LHX5: variants seen among roughly 807,000 people sequenced by gnomAD.
The protein encoded by LHX5 is LIM/homeobox protein Lhx5.
A neutral mutation model predicts 30.6 loss-of-function variants in LHX5; 5 were observed. The observed-to-expected ratio is 0.16, with a 90% CI of 0.09 to 0.34. The LOEUF (loss-of-function observed/expected upper bound fraction) is 0.34, where lower values mean the gene tolerates loss of function less well. Among genes scored for constraint, LHX5 ranks in the 10% least tolerant of loss-of-function variants. The pLI, the probability that LHX5 is intolerant of heterozygous loss-of-function variation, is 1.00. For synonymous variants in LHX5, 266 were observed against 252.6 expected (o/e 1.05, Z -0.50); for missense variants, 458 against 570.6 (o/e 0.80, Z 2.01).
At chr12:113,470,701 TA>T (rs1212298611) in intron 1 of LHX5, among the ~76,000 whole-genome samples, 1 of 151,922 alleles carries the variant, frequency 6.6e-6, no homozygotes, top group Non-Finnish European at 1.5e-5. Flanking sequence ...CCCACAGGGG[TA>T]GGGGGGCTGG....
rs111226838 is a variant in LHX5, at chr12:113,468,202, G to A, written c.600C>T (p.Ala200=). 3.1e-4 allele frequency: 500 copies of A among 1,613,332 alleles called. 2 individuals carry two copies. In the African/African-American group the frequency reaches 5.8e-3, roughly 19 times the overall value. The change falls in exon 3 of 5, where the codon GCC becomes GCT. Residue 200 remains alanine, a synonymous_variant. Coordinates refer to ENST00000261731, the MANE Select transcript of LHX5 (RefSeq NM_022363.3). ...TGTGGCGCGTGGGCTTGGGCGTGGC[G>A]GCGAAGGCAGCCTTGAGCGTCTCCA... ...KQLETLKAAF[A]ATPKPTRHIR... is the part of the protein sequence containing the mutation.
Position 113,465,350 on chromosome 12 carries a change from T to C in LHX5, c.842-1793A>G, listed in dbSNP as rs1320528636. On this transcript the variant is annotated intron_variant, in intron 4 of 4. Transcript: ENST00000261731. The surrounding 1 kb of genome is among the most constrained non-coding windows in gnomAD (Gnocchi z 6.7). ...AGCGAAGGCCGCTGCCCCCGCGCCG[T>C]GCGCGCCGCCTCCGCCCATATGGCG... is the stretch of plus-strand genomic sequence containing the variant. Among the ~76,000 whole-genome samples the C allele has an allele frequency of 6.6e-6, 1 of 152,144 alleles. No homozygotes were observed. Among genetic ancestry groups the C allele is most frequent in the Non-Finnish European group, 1.5e-5 (1 of 68,012 alleles).
At position 113,471,752 on chromosome 12, in the gene LHX5, G is replaced by A; in HGVS notation, c.-254C>T. On this transcript the variant is annotated 5_prime_UTR_variant, in exon 1 of 5. Coordinates refer to ENST00000261731, the MANE Select transcript of LHX5 (RefSeq NM_022363.3). ...GGCCGCACGCCCCGGCGCCTGTTCCGGGCTTCCCCAGGTATCTCGGGTGGC... is the reference window on the plus strand; with the variant it reads ...GGCCGCACGCCCCGGCGCCTGTTCCAGGCTTCCCCAGGTATCTCGGGTGGC... The A allele has an allele frequency of 2.2e-6, 1 of 464,182 alleles. No homozygotes were observed. The allele number at this position is 464,182 out of a possible 1,614,324, so 28.8% of individuals were successfully genotyped here.
intron 1 of LHX5, among the ~76,000 whole-genome samples, chr12:113,469,573 C>A (rs1958235006): frequency 3.9e-5 from 6 of 152,222 alleles, no homozygotes; most frequent in Admixed American, 3.9e-4. Context: ...TTCAGACTCT[C>A]CTGAGCTGGG....
chr12:113,463,096 T>C lies in LHX5; in HGVS notation c.*94A>G. Reference sequence around the variant, plus strand: ...AGAGAACCCCCGAGGGACACCCACGTCTCCCACCGCGTCTGCGTCGGGCGT... The same window carrying C: ...AGAGAACCCCCGAGGGACACCCACGCCTCCCACCGCGTCTGCGTCGGGCGT... On this transcript the variant is annotated 3_prime_UTR_variant, in exon 5 of 5. Coordinates refer to ENST00000261731, the MANE Select transcript of LHX5 (RefSeq NM_022363.3). The surrounding 1 kb of genome is among the most constrained non-coding windows in gnomAD (Gnocchi z 6.7). 9.3e-7 allele frequency: 1 copy of C among 1,078,512 alleles called. No individual in the cohort carries two copies. Among genetic ancestry groups the C allele is most frequent in the Non-Finnish European group, 1.3e-6 (1 of 790,690 alleles). The allele number at this position is 1,078,512 out of a possible 1,614,324, so 66.8% of individuals were successfully genotyped here. A position where few individuals can be genotyped will look rare whatever the true frequency, so the allele number is the denominator to read the frequency against.
At chr12:113,469,437 A>C in intron 1 of LHX5, 92 bp from the exon 2 acceptor site, 10 of 1,159,866 alleles carry the variant, frequency 8.6e-6, no homozygotes, top group Non-Finnish European at 1.2e-5. Flanking sequence ...GGCTTCGGTG[A>C]AGTCCCCATT....
Position 113,467,141 on chromosome 12 carries a change from G to A in LHX5, c.841+115C>T. The A allele has an allele frequency of 9.5e-7, 1 of 1,057,444 alleles. No homozygotes were observed. The highest frequency in any genetic ancestry group is 1.3e-6 in the Non-Finnish European group (1 of 779,858). 65.5% of individuals were successfully genotyped at this position (1,057,444 alleles called of 1,614,324 possible). Reference sequence around the variant, plus strand: ...AGTGTACATGTGTCTGTGATCGTGTGTCCAGCGAGTGGGCGATGTTCTGGA... The same window carrying A: ...AGTGTACATGTGTCTGTGATCGTGTATCCAGCGAGTGGGCGATGTTCTGGA... On this transcript the variant is annotated intron_variant, in intron 4 of 4. Coordinates refer to ENST00000261731, the MANE Select transcript of LHX5 (RefSeq NM_022363.3). The surrounding 1 kb of genome is among the most constrained non-coding windows in gnomAD (Gnocchi z 6.3).
rs117773325 is a variant in LHX5 at position 113,470,448 on chromosome 12, A to G, written c.173+878T>C. ...CCGGGTCCAGGGAGTTAACACGTGT[A>G]AAGGAGCGGCTGACATTTTCTCCCA... On this transcript the variant is annotated intron_variant, in intron 1 of 4. Transcript: ENST00000261731. 4.6e-5 allele frequency among the ~76,000 whole-genome samples: 7 copies of G among 152,352 alleles called. No individual in the cohort carries two copies. In the East Asian group the frequency reaches 7.7e-4, roughly 17 times the overall value.
At position 113,467,479 on chromosome 12, in the gene LHX5, TC is replaced by T; in HGVS notation, c.676-59del. 2 of 1,361,316 alleles carry T rather than the reference TC, an allele frequency of 1.5e-6. No individual in the cohort carries two copies. The highest frequency in any genetic ancestry group is 3.1e-5 in the Admixed American group (1 of 32,466). The allele number at this position is 1,361,316 out of a possible 1,614,324, so 84.3% of individuals were successfully genotyped here. On this transcript the variant is annotated intron_variant, in intron 3 of 4. Coordinates refer to ENST00000261731, the MANE Select transcript of LHX5 (RefSeq NM_022363.3). This position sits in a 1 kb window ranked among gnomAD's most constrained non-coding sequence, Gnocchi z 6.3. ...TCAGGAGTGTCCTCTCCCCCCCTCT[TC>T]TCCCTTCCCTGACTGGGCTGCCCCT... is the stretch of plus-strand genomic sequence containing the variant.
Position 113,468,421 on chromosome 12 carries a change from C to T in LHX5, c.398-17G>A. 6.3e-7 allele frequency: 1 copy of T among 1,597,986 alleles called. No homozygotes were observed. The stretch of plus-strand genomic sequence containing the variant: ...AGGATGACACTGCGGGCGGACGGAT[C>T]GGGAAGGGGACAGCGGCGTCAGCGA... On this transcript the variant is annotated splice_polypyrimidine_tract_variant and intron_variant, in intron 2 of 4. Coordinates refer to ENST00000261731, the MANE Select transcript of LHX5 (RefSeq NM_022363.3).
rs1454902939 is a variant in LHX5, at chr12:113,463,603, C to A, written c.842-46G>T. 2 of 1,468,824 alleles carry A rather than the reference C, an allele frequency of 1.4e-6. No individual in the cohort carries two copies. The highest frequency in any genetic ancestry group is 1.8e-6 in the Non-Finnish European group (2 of 1,115,836). The allele number at this position is 1,468,824 out of a possible 1,614,324, so 91.0% of individuals were successfully genotyped here. Reference sequence around the variant, plus strand: ...GGAGACAGGGCGCGGTGAGAGAAGGCGAAGTAGGCGGGGGACCCGGGACCC... The same window carrying A: ...GGAGACAGGGCGCGGTGAGAGAAGGAGAAGTAGGCGGGGGACCCGGGACCC... On this transcript the variant is annotated intron_variant, in intron 4 of 4. Coordinates refer to ENST00000261731, the MANE Select transcript of LHX5 (RefSeq NM_022363.3). The surrounding 1 kb of genome is among the most constrained non-coding windows in gnomAD (Gnocchi z 6.7).
Position 113,467,503 on chromosome 12 carries a change from C to T in LHX5, c.676-82G>A. ...TTCTCCCTTCCCTGACTGGGCTGCC[C>T]CTGCTGGGTCCTTGCGCCTCTTCCG... On this transcript the variant is annotated intron_variant, in intron 3 of 4. Coordinates refer to ENST00000261731, the MANE Select transcript of LHX5 (RefSeq NM_022363.3). This position sits in a 1 kb window ranked among gnomAD's most constrained non-coding sequence, Gnocchi z 6.3. The T allele has an allele frequency of 1.6e-6, 2 of 1,258,598 alleles. No individual in the cohort carries two copies. The highest frequency in any genetic ancestry group is 1.5e-5 in the African/African-American group (1 of 65,068). 78.0% of individuals were successfully genotyped at this position (1,258,598 alleles called of 1,614,324 possible).
rs760881891 is a variant in LHX5 at position 113,469,113 on chromosome 12, G to C, written c.397+9C>G. On this transcript the variant is annotated intron_variant, in intron 2 of 4. Coordinates refer to ENST00000261731, the MANE Select transcript of LHX5 (RefSeq NM_022363.3). ...GGCCTAAGGCTAGTGAGGGGCCCAGGCTTCCTACCTGAGTTGAGGCTGCCC... is the reference window on the plus strand; with the variant it reads ...GGCCTAAGGCTAGTGAGGGGCCCAGCCTTCCTACCTGAGTTGAGGCTGCCC... 1.2e-6 allele frequency: 2 copies of C among 1,605,132 alleles called. No individual in the cohort carries two copies. The highest frequency in any genetic ancestry group is 1.7e-6 in the Non-Finnish European group (2 of 1,174,660).
In LHX5 at chr12:113,463,160, G is replaced by C. The variant is rs1958186480; in HGVS notation, c.*30C>G. ...GGCTGCTTCGGGGCGGGGCCCCCGG[G>C]GGCCGAGCGCGGGGGGCGGCCCGGC... is the stretch of plus-strand genomic sequence containing the variant. On this transcript the variant is annotated 3_prime_UTR_variant, in exon 5 of 5. Transcript: ENST00000261731. The surrounding 1 kb of genome is among the most constrained non-coding windows in gnomAD (Gnocchi z 6.7). 6.8e-7 allele frequency: 1 copy of C among 1,471,850 alleles called. No homozygotes were observed. The highest frequency in any genetic ancestry group is 2.5e-5 in the Admixed American group (1 of 40,164). 91.2% of individuals were successfully genotyped at this position (1,471,850 alleles called of 1,614,324 possible).
Position 113,463,929 on chromosome 12 carries a change from GAC to G in LHX5, c.842-374_842-373del. 6.6e-6 allele frequency among the ~76,000 whole-genome samples: 1 copy of G among 152,322 alleles called. No homozygotes were observed. On this transcript the variant is annotated intron_variant, in intron 4 of 4. Coordinates refer to ENST00000261731, the MANE Select transcript of LHX5 (RefSeq NM_022363.3). This position sits in a 1 kb window ranked among gnomAD's most constrained non-coding sequence, Gnocchi z 6.7. Reference sequence around the variant, plus strand: ...AGACAGAGGCGGCCAGAGACGCAGAGACAGACAATGATTCCTAAGTGTCTTAG... The same window carrying G: ...AGACAGAGGCGGCCAGAGACGCAGAGAGACAATGATTCCTAAGTGTCTTAG...
rs1352059921 is a variant in LHX5, at chr12:113,465,966, A to C, written c.841+1290T>G. On this transcript the variant is annotated intron_variant, in intron 4 of 4. Coordinates refer to ENST00000261731, the MANE Select transcript of LHX5 (RefSeq NM_022363.3). This position sits in a 1 kb window ranked among gnomAD's most constrained non-coding sequence, Gnocchi z 6.7. ...GCCTGGGGTCTCTGCCCTGAAAAGC[A>C]CAGCCTGGCATTTTGCCCACAATTT... 6.6e-6 allele frequency among the ~76,000 whole-genome samples: 1 copy of C among 152,080 alleles called. No individual in the cohort carries two copies. The highest frequency in any genetic ancestry group is 1.5e-5 in the Non-Finnish European group (1 of 68,002).
intron 1 of LHX5, among the ~76,000 whole-genome samples, chr12:113,469,606 C>G (rs1015829510): frequency 6.6e-6 from 1 of 152,220 alleles, no homozygotes; most frequent in African/African-American, 2.4e-5. Flanking sequence ...GTGGGTGCAG[C>G]CTTCAGCCAA....
rs1395590686 is a variant in LHX5, at chr12:113,465,296, G to A, written c.842-1739C>T. 6.6e-6 allele frequency among the ~76,000 whole-genome samples: 1 copy of A among 152,232 alleles called. No individual in the cohort carries two copies. The highest frequency in any genetic ancestry group is 1.5e-5 in the Non-Finnish European group (1 of 68,032). Reference sequence around the variant, plus strand: ...CCCCAAAGGGACAGGGATGGGAGACGGCCGCGGCCCGCGGCGAGCCGGAAA... The same window carrying A: ...CCCCAAAGGGACAGGGATGGGAGACAGCCGCGGCCCGCGGCGAGCCGGAAA... On this transcript the variant is annotated intron_variant, in intron 4 of 4. Coordinates refer to ENST00000261731, the MANE Select transcript of LHX5 (RefSeq NM_022363.3). The surrounding 1 kb of genome is among the most constrained non-coding windows in gnomAD (Gnocchi z 6.7).
chr12:113,468,058 G>A (rs945977471), intron 3 of LHX5, 69 bp downstream of exon 3: 7 of 1,447,700 alleles, frequency 4.8e-6, no homozygotes, highest in African/African-American at 1.4e-5. Context: ...AGCTTGGCGG[G>A]AGACTCCTCC....
Sources: allele counts gnomAD v4.1 joint callset (sites outside exome capture counted in the v4.1 genomes callset), GRCh38; gene constraint gnomAD v4.1.1; non-coding constraint Gnocchi (gnomAD v3.1); transcripts MANE v1.5; gene names NCBI Gene and HGNC (gene_info 2026-07-23, HGNC 2026-07-21).